RAB20: variants seen among roughly 807,000 people sequenced by gnomAD.
RAB20 encodes the protein ras-related protein Rab-20.
Under a neutral mutation model 3.7 loss-of-function variants are expected in RAB20, and 2 were observed. The ratio of observed to expected loss-of-function variants is 0.54; its 90% CI spans 0.22 to 1.69. The LOEUF is 1.69. Among genes scored for constraint, RAB20 ranks in the 40% most tolerant of loss-of-function variants. RAB20 has a pLI of 0.19. For synonymous variants in RAB20, 126 were observed against 130.8 expected (o/e 0.96, Z 0.25); for missense variants, 276 against 311.9 (o/e 0.88, Z 0.87).
chr13:110,546,145 G>C (rs1414209454), intron 1 of RAB20, among the ~76,000 whole-genome samples: 2 of 151,980 alleles, frequency 1.3e-5, no homozygotes, highest in Non-Finnish European at 2.9e-5. Flanking sequence ...CAAAAGCTAA[G>C]GGAACCTATG....
chr13:110,526,882 T>C (rs1884438579), intron 1 of RAB20, among the ~76,000 whole-genome samples: 1 of 152,130 alleles, frequency 6.6e-6, no homozygotes, highest in South Asian at 2.1e-4. Context: ...AAGACGACTG[T>C]ACTTAAGGAC....
At chr13:110,561,292 C>T (rs1056370751) in intron 1 of RAB20, 56 bp downstream of exon 1, 4 of 1,486,998 alleles carry the variant, frequency 2.7e-6, no homozygotes, top group Admixed American at 4.9e-5. Flanking sequence ...AAGCCCCGCG[C>T]CCCCCGTCCC....
intron 1 of RAB20, among the ~76,000 whole-genome samples, chr13:110,536,519 A>G (rs543921905): frequency 2.6e-4 from 40 of 152,272 alleles, no homozygotes; most frequent in African/African-American, 7.2e-4. Flanking sequence ...GGGAAGAATC[A>G]AGATGATGAT....
rs387164 is a variant in RAB20, at chr13:110,539,955, C to T, written c.173-15758G>A. Among the ~76,000 whole-genome samples the T allele has an allele frequency of 7.9e-5, 12 of 152,352 alleles. No individual in the cohort carries two copies. In the South Asian group the frequency reaches 1.0e-3, roughly 13 times the overall value. ...AACTAAAAATAAAGCAAGTGTCATACGCCACATGAACCACTCACATCACTA... is the reference window on the plus strand; with the variant it reads ...AACTAAAAATAAAGCAAGTGTCATATGCCACATGAACCACTCACATCACTA... On this transcript the variant is annotated intron_variant, in intron 1 of 1. Transcript: ENST00000267328.
At chr13:110,540,756 A>AT (rs1352013045) in intron 1 of RAB20, among the ~76,000 whole-genome samples, 12 of 150,722 alleles carry the variant, frequency 8.0e-5, no homozygotes, top group Admixed American at 4.6e-4. Flanking sequence ...AAAAAAAAAA[A>AT]AGTTAAAATA....
At chr13:110,561,252 G>T in intron 1 of RAB20, 96 bp downstream of exon 1, 4 of 1,403,408 alleles carry the variant, frequency 2.9e-6, no homozygotes, top group Middle Eastern at 2.5e-4. Flanking sequence ...CCGAGGCCGG[G>T]ACCCTGTGCG....
rs1205177139 is a variant in RAB20, at chr13:110,561,668, G to C, written c.-149C>G. 5 of 1,341,096 alleles carry C rather than the reference G, an allele frequency of 3.7e-6. No individual in the cohort carries two copies. Among genetic ancestry groups the C allele is most frequent in the South Asian group, 1.8e-5 (1 of 56,934 alleles). 83.1% of individuals were successfully genotyped at this position (1,341,096 alleles called of 1,614,324 possible). ...CGGGACCTTCGCCTCCGGACGCCCGGGAGCTCAAGAGAGGAAGCGCGTGTG... is the reference window on the plus strand; with the variant it reads ...CGGGACCTTCGCCTCCGGACGCCCGCGAGCTCAAGAGAGGAAGCGCGTGTG... On this transcript the variant is annotated 5_prime_UTR_variant, in exon 1 of 2. Coordinates refer to ENST00000267328, the MANE Select transcript of RAB20 (RefSeq NM_017817.3).
intron 1 of RAB20, among the ~76,000 whole-genome samples, chr13:110,558,327 T>C (rs1175649449): frequency 1.3e-5 from 2 of 151,224 alleles, no homozygotes; most frequent in East Asian, 1.9e-4. Flanking sequence ...CAAGGTGAGT[T>C]GGAGTTGGAT....
chr13:110,539,181 T>C (rs1279963749), intron 1 of RAB20, among the ~76,000 whole-genome samples: 3 of 152,216 alleles, frequency 2.0e-5, no homozygotes, highest in Admixed American at 6.5e-5. Flanking sequence ...GAATAGTCTA[T>C]GACAATTAAA....
At chr13:110,540,951 C>T (rs1884749499) in intron 1 of RAB20, among the ~76,000 whole-genome samples, 1 of 152,128 alleles carries the variant, frequency 6.6e-6, no homozygotes, top group Admixed American at 6.5e-5. Context: ...CGCGCAGCTG[C>T]CCATGCCCCT....
chr13:110,547,516 G>A (rs1166921097), intron 1 of RAB20, among the ~76,000 whole-genome samples: 1 of 152,206 alleles, frequency 6.6e-6, no homozygotes, highest in Non-Finnish European at 1.5e-5. Flanking sequence ...CCTTGTGTGA[G>A]TGAATGCATA....
At chr13:110,554,449 G>A (rs1335035138) in intron 1 of RAB20, among the ~76,000 whole-genome samples, 1 of 152,158 alleles carries the variant, frequency 6.6e-6, no homozygotes, top group South Asian at 2.1e-4. Flanking sequence ...GCGGTCCTCT[G>A]AGCTGAACTC....
chr13:110,543,082 T>C (rs1055208008), intron 1 of RAB20, among the ~76,000 whole-genome samples: 3 of 152,216 alleles, frequency 2.0e-5, no homozygotes, highest in South Asian at 2.1e-4. Context: ...TGGCCATTTG[T>C]ATGTCTTCTT....
intron 1 of RAB20, among the ~76,000 whole-genome samples, chr13:110,539,107 T>G (rs966006528): frequency 1.3e-5 from 2 of 152,248 alleles, no homozygotes; most frequent in African/African-American, 4.8e-5. Context: ...TTAAATAAGC[T>G]AATAATTCAA....
intron 1 of RAB20, among the ~76,000 whole-genome samples, chr13:110,556,754 A>C (rs1885045309): frequency 6.6e-6 from 1 of 151,476 alleles, no homozygotes; most frequent in Admixed American, 6.6e-5. Context: ...CTGGTCTTGA[A>C]CTCCTAGGTT....
Position 110,556,922 on chromosome 13 carries a change from G to A in RAB20, c.172+4426C>T, listed in dbSNP as rs571076404. 1.6e-4 allele frequency among the ~76,000 whole-genome samples: 25 copies of A among 152,346 alleles called. No homozygotes were observed. The East Asian group carries it at 2.5e-3, about 15-fold the overall frequency. On this transcript the variant is annotated intron_variant, in intron 1 of 1. Transcript: ENST00000267328. ...ACTGGGAGCAGAGAGAGGCTGTCAC[G>A]AATATGGAAGTGGCTTTAGAACTGG...
chr13:110,561,709 G>A lies in RAB20; in HGVS notation c.-190C>T. ...AGCGCGTGTGCGCGCCCGGGAAGGA[G>A]CTGGGTGCAGAGCACGGAGCCCACG... is the stretch of plus-strand genomic sequence containing the variant. On this transcript the variant is annotated 5_prime_UTR_variant, in exon 1 of 2. Coordinates refer to ENST00000267328, the MANE Select transcript of RAB20 (RefSeq NM_017817.3). The A allele has an allele frequency of 9.4e-7, 1 of 1,063,556 alleles. No homozygotes were observed. Among genetic ancestry groups the A allele is most frequent in the East Asian group, 3.3e-5 (1 of 30,060 alleles). 65.9% of individuals were successfully genotyped at this position (1,063,556 alleles called of 1,614,324 possible).
chr13:110,528,841 A>C (rs888328879), intron 1 of RAB20, among the ~76,000 whole-genome samples: 2 of 152,228 alleles, frequency 1.3e-5, no homozygotes, highest in African/African-American at 4.8e-5. Flanking sequence ...AGCCAGAAAA[A>C]AGTAAGAATT....
At chr13:110,554,839 C>T (rs898106831) in intron 1 of RAB20, among the ~76,000 whole-genome samples, 18 of 152,178 alleles carry the variant, frequency 1.2e-4, no homozygotes, top group African/African-American at 3.6e-4. Context: ...AAACCCATCA[C>T]GAGCCTTTCC....
Sources: allele counts gnomAD v4.1 joint callset (sites outside exome capture counted in the v4.1 genomes callset), GRCh38; gene constraint gnomAD v4.1.1; transcripts MANE v1.5; gene names NCBI Gene and HGNC (gene_info 2026-07-23, HGNC 2026-07-21).